The following PAK5 variants were observed in gnomAD, a reference collection of about 807,000 sequenced individuals.
PAK5 encodes the protein p21 (RAC1) activated kinase 5, also known as serine/threonine-protein kinase PAK 5.
In PAK5, 16 loss-of-function variants were observed where a neutral mutation model predicts 65.9. The observed-to-expected ratio is 0.24, with a 90% CI of 0.16 to 0.37. PAK5 has a LOEUF of 0.37. Ranked by LOEUF, PAK5 falls within the 10% of genes least tolerant of loss-of-function variation. PAK5 has a pLI of 1.00. For missense variants in PAK5, 785 were observed against 903.9 expected (o/e 0.87, Z 1.69); for synonymous variants, 371 against 354.9 (o/e 1.05, Z -0.51).
At chr20:9,560,418 G>A (rs778385754) in intron 6 of PAK5, among the ~76,000 whole-genome samples, 13 of 152,044 alleles carry the variant, frequency 8.6e-5, no homozygotes, top group African/African-American at 1.4e-4. Flanking sequence ...GGAGTGTAAC[G>A]GCGCAATCAG....
At chr20:9,599,854 A>G (rs527708602) in intron 3 of PAK5, among the ~76,000 whole-genome samples, 19 of 152,166 alleles carry the variant, frequency 1.2e-4, no homozygotes, top group African/African-American at 4.6e-4. Context: ...TTGCATTTTG[A>G]TAAGTCTAAT....
intron 4 of PAK5, among the ~76,000 whole-genome samples, chr20:9,569,843 C>T (rs538400222): frequency 6.6e-6 from 1 of 151,930 alleles, no homozygotes; most frequent in East Asian, 1.9e-4. Context: ...TGCAGCCCTT[C>T]CAGCTTCAAA....
intron 1 of PAK5, among the ~76,000 whole-genome samples, chr20:9,734,779 C>T (rs1376184257): frequency 6.6e-6 from 1 of 152,060 alleles, no homozygotes; most frequent in Non-Finnish European, 1.5e-5. Context: ...AAATATTTCC[C>T]CTAGCATTAG....
At chr20:9,575,823 A>G (rs1450681018) in intron 4 of PAK5, 1 of 152,198 alleles carries the variant, frequency 6.6e-6, no homozygotes, top group Non-Finnish European at 1.5e-5. Context: ...TTCTACGGAA[A>G]TGAGAATATT....
At chr20:9,832,396 C>A (rs1394121365) in intron 1 of PAK5, among the ~76,000 whole-genome samples, 1 of 152,032 alleles carries the variant, frequency 6.6e-6, no homozygotes, top group Non-Finnish European at 1.5e-5. Flanking sequence ...CCTCAGCCTC[C>A]CAAGAAGTTG....
intron 4 of PAK5, among the ~76,000 whole-genome samples, chr20:9,575,400 A>G (rs1360174944): frequency 6.6e-6 from 1 of 152,214 alleles, no homozygotes; most frequent in African/African-American, 2.4e-5. Context: ...ACTGATGCAC[A>G]GAGAAGATCA....
chr20:9,580,706 G>C lies in PAK5; in HGVS notation c.429C>G (p.Thr143=), dbSNP rs749305467. The change falls in exon 4 of 10, where the codon ACC becomes ACG. Residue 143 remains threonine (T), a synonymous_variant. Transcript: ENST00000353224. Reference sequence around the variant, plus strand: ...AGAGACTCTTCTCCCTGTACTTTTCGGTCGTGTAGTCAGCAGTAGTATCGG... The same window carrying C: ...AGAGACTCTTCTCCCTGTACTTTTCCGTCGTGTAGTCAGCAGTAGTATCGG... ...SESDTTADYT[T]EKYREKSLYG... is the part of the protein sequence containing the mutation. The C allele has an allele frequency of 3.1e-6, 5 of 1,613,748 alleles. No individual in the cohort carries two copies. The highest frequency in any genetic ancestry group is 3.3e-5 in the Admixed American group (2 of 59,970).
At chr20:9,791,562 T>A (rs1425404738) in intron 1 of PAK5, among the ~76,000 whole-genome samples, 1 of 152,048 alleles carries the variant, frequency 6.6e-6, no homozygotes, top group African/African-American at 2.4e-5. Context: ...GACCACTGAG[T>A]CCTTCTTTTC....
intron 3 of PAK5, among the ~76,000 whole-genome samples, chr20:9,593,502 C>T (rs2046210073): frequency 6.6e-6 from 1 of 151,990 alleles, no homozygotes; most frequent in African/African-American, 2.4e-5. Context: ...GCAGAACGTG[C>T]AGGTTTGTTA....
intron 2 of PAK5, among the ~76,000 whole-genome samples, chr20:9,709,227 C>T (rs1165472306): frequency 1.3e-5 from 2 of 152,124 alleles, no homozygotes; most frequent in Non-Finnish European, 2.9e-5. Context: ...TTTAGGTCTT[C>T]TTTGTTTTCA....
At chr20:9,822,263 TG>T (rs761617825) in intron 1 of PAK5, among the ~76,000 whole-genome samples, 1 of 138,400 alleles carries the variant, frequency 7.2e-6, no homozygotes, top group Non-Finnish European at 1.5e-5. Context: ...CACTCCAGCC[TG>T]GGTAACAACA....
At chr20:9,613,541 A>G (rs2046602912) in intron 3 of PAK5, among the ~76,000 whole-genome samples, 1 of 152,220 alleles carries the variant, frequency 6.6e-6, no homozygotes, top group African/African-American at 2.4e-5. Context: ...CACAGTGACT[A>G]TCAGAGAAAA....
intron 3 of PAK5, among the ~76,000 whole-genome samples, chr20:9,618,486 A>C (rs1328174255): frequency 2.7e-5 from 4 of 148,390 alleles, no homozygotes; most frequent in Non-Finnish European, 5.9e-5. Flanking sequence ...GGCTCACTGC[A>C]ACCTCTGCTT....
At chr20:9,703,712 C>T (rs2047968977) in intron 2 of PAK5, among the ~76,000 whole-genome samples, 1 of 151,832 alleles carries the variant, frequency 6.6e-6, no homozygotes, top group South Asian at 2.1e-4. Flanking sequence ...GTGCCATCCC[C>T]AGTGAAGTCA....
intron 2 of PAK5, among the ~76,000 whole-genome samples, chr20:9,674,613 G>A (rs2047543810): frequency 6.6e-6 from 1 of 152,174 alleles, no homozygotes; most frequent in Non-Finnish European, 1.5e-5. Flanking sequence ...AAATTTGGCA[G>A]GATTCTTGCT....
At chr20:9,811,252 A>G (rs2423477) in intron 1 of PAK5, among the ~76,000 whole-genome samples, 94,203 of 151,930 alleles carry the variant, frequency 0.62, 29,526 homozygotes, top group South Asian at 0.7. Flanking sequence ...TCATCGTGAC[A>G]TTGTATACTG....
intron 1 of PAK5, among the ~76,000 whole-genome samples, chr20:9,712,468 C>A (rs114456223): frequency 6.6e-6 from 1 of 152,028 alleles, no homozygotes; most frequent in Non-Finnish European, 1.5e-5. Context: ...CAAATTCCAG[C>A]AATCTTATCA....
rs1327648261 is a variant in PAK5 at position 9,766,438 on chromosome 20, ATATATATG to A, written c.-161-55011_-161-55004del. ...ATATGTATATATATATTCAAGCAGA[ATATATATG>A]TATATATATATTCAAGCAGAATATA... On this transcript the variant is annotated intron_variant, in intron 1 of 9. Coordinates refer to ENST00000353224, the MANE Select transcript of PAK5 (RefSeq NM_177990.4). 6.0e-3 allele frequency among the ~76,000 whole-genome samples: 250 copies of A among 41,874 alleles called. 34 individuals carry two copies. The highest frequency in any genetic ancestry group is 0.037 in the African/African-American group (230 of 6,158). The allele number at this position is 41,874 out of a possible 152,430, so 27.5% of individuals were successfully genotyped here.
intron 3 of PAK5, among the ~76,000 whole-genome samples, chr20:9,594,762 C>T (rs2046233315): frequency 6.6e-6 from 1 of 152,122 alleles, no homozygotes; most frequent in African/African-American, 2.4e-5. Flanking sequence ...TGTGTTTTCC[C>T]AGGTCATTTC....
Sources: gnomAD v4.1 joint callset for allele counts (sites outside exome capture counted in the v4.1 genomes callset) on GRCh38, gnomAD v4.1.1 for gene constraint, MANE v1.5 for transcripts, NCBI Gene and HGNC (gene_info 2026-07-23, HGNC 2026-07-21) for gene names.